The following STARD3 variants were observed in gnomAD, a reference collection of about 807,000 sequenced individuals.
STARD3 encodes the protein StAR related lipid transfer domain containing 3, also known as stAR-related lipid transfer protein 3.
STARD3 carries 39 observed loss-of-function variants against 62.0 expected under a neutral mutation model. The ratio of observed to expected loss-of-function variants is 0.63; its 90% CI spans 0.49 to 0.82. The LOEUF is 0.82. Ranked by LOEUF, STARD3 falls within the 40% of genes least tolerant of loss-of-function variation. STARD3 has a pLI of 0.00. For missense variants in STARD3, 543 were observed against 584.5 expected (o/e 0.93, Z 0.73); for synonymous variants, 229 against 242.4 (o/e 0.94, Z 0.51).
In STARD3 at chr17:39,660,374, G is replaced by T. The variant is rs2057182638; in HGVS notation, c.859-57G>T. On this transcript the variant is annotated intron_variant, in intron 10 of 14. Transcript: ENST00000336308. This position sits in a 1 kb window ranked among gnomAD's most constrained non-coding sequence, Gnocchi z 4.8. ...GTGGGTGCCCCCCACCAAGAGGGAAGGGTTGGTCTGCCCGAGCCCATCTGG... is the reference window on the plus strand; with the variant it reads ...GTGGGTGCCCCCCACCAAGAGGGAATGGTTGGTCTGCCCGAGCCCATCTGG... The T allele has an allele frequency of 6.2e-7, 1 of 1,611,338 alleles. No homozygotes were observed. The highest frequency in any genetic ancestry group is 8.5e-7 in the Non-Finnish European group (1 of 1,178,150).
chr17:39,657,144 C>T, intron 3 of STARD3, 59 bp downstream of exon 3: 1 of 1,529,994 alleles, frequency 6.5e-7, no homozygotes, highest in South Asian at 1.1e-5. Flanking sequence ...AGGGAAATGA[C>T]TTCTGCTGGG....
At chr17:39,645,879 G>T in intron 1 of STARD3, among the ~76,000 whole-genome samples, 2 of 91,294 alleles carry the variant, frequency 2.2e-5, no homozygotes, top group South Asian at 3.5e-4. Context: ...AGGGATTCTT[G>T]CCTTTTTTTT....
chr17:39,663,217 G>T lies in STARD3; in HGVS notation c.*309G>T. 1 of 412,592 alleles carries T rather than the reference G, an allele frequency of 2.4e-6. No individual in the cohort carries two copies. The highest frequency in any genetic ancestry group is 4.3e-6 in the Non-Finnish European group (1 of 234,854). 25.6% of individuals were successfully genotyped at this position (412,592 alleles called of 1,614,324 possible). On this transcript the variant is annotated 3_prime_UTR_variant, in exon 15 of 15. Coordinates refer to ENST00000336308, the MANE Select transcript of STARD3 (RefSeq NM_006804.4). ...AGGGTCTGGGCTGGGCACCTGACTT[G>T]GCTGGGGAGGACCAGGGCCCTGGGC... is the stretch of plus-strand genomic sequence containing the variant.
rs901047042 is a variant in STARD3 at position 39,657,336 on chromosome 17, G to A, written c.297+251G>A. Among the ~76,000 whole-genome samples, 4 of 151,992 alleles carry A rather than the reference G, an allele frequency of 2.6e-5. No individual in the cohort carries two copies. The South Asian group carries it at 8.3e-4, about 32-fold the overall frequency. ...AGGTTAGGAGTTCGAAACCAGCTTG[G>A]CCATCATGGTGAAACCCCGCCTCTA... On this transcript the variant is annotated intron_variant, in intron 3 of 14. Transcript: ENST00000336308.
At chr17:39,658,948 ACT>A in intron 7 of STARD3, 101 bp from the exon 8 acceptor site, 1 of 1,562,652 alleles carries the variant, frequency 6.4e-7, no homozygotes, top group Non-Finnish European at 8.8e-7. Flanking sequence ...TCTCCCACAC[ACT>A]TTTATCCCCC....
chr17:39,663,284 C>G lies in STARD3; in HGVS notation c.*376C>G. ...TCACCCGTGTGAAGATGAAGGGGCT[C>G]TTCATCTGCCTGCGCTCTCGTCGGT... On this transcript the variant is annotated 3_prime_UTR_variant, in exon 15 of 15. Coordinates refer to ENST00000336308, the MANE Select transcript of STARD3 (RefSeq NM_006804.4). 1 of 395,220 alleles carries G rather than the reference C, an allele frequency of 2.5e-6. No homozygotes were observed. Among genetic ancestry groups the G allele is most frequent in the Non-Finnish European group, 4.5e-6 (1 of 224,378 alleles). 24.5% of individuals were successfully genotyped at this position (395,220 alleles called of 1,614,324 possible).
Position 39,663,091 on chromosome 17 carries a change from G to A in STARD3, c.*183G>A, listed in dbSNP as rs558215495. 9.7e-5 allele frequency: 56 copies of A among 574,764 alleles called. No individual in the cohort carries two copies. The highest frequency in any genetic ancestry group is 9.0e-4 in the African/African-American group (46 of 50,978). The allele number at this position is 574,764 out of a possible 1,614,324, so 35.6% of individuals were successfully genotyped here. A position where few individuals can be genotyped will look rare whatever the true frequency, so the allele number is the denominator to read the frequency against. ...GCTGTGGGGTGGAGCACTGGACTCC[G>A]GGGCCCCACTGGCTGGAGGAAGTGG... On this transcript the variant is annotated 3_prime_UTR_variant, in exon 15 of 15. Transcript: ENST00000336308.
intron 8 of STARD3, 148 bp downstream of exon 8, chr17:39,659,254 C>G: frequency 8.8e-7 from 1 of 1,142,728 alleles, no homozygotes; most frequent in Non-Finnish European, 1.3e-6. Flanking sequence ...CACCACCAGT[C>G]CGGCCCCCCT....
chr17:39,653,299 A>T, intron 1 of STARD3, 182 bp from the exon 2 acceptor site: 1 of 592,794 alleles, frequency 1.7e-6, no homozygotes, highest in South Asian at 2.0e-5. Context: ...TAATTAGCGG[A>T]ATGCTCAACC....
chr17:39,659,631 A>G, intron 9 of STARD3, 78 bp downstream of exon 9: 1 of 1,486,116 alleles, frequency 6.7e-7, no homozygotes, highest in Non-Finnish European at 9.3e-7. Flanking sequence ...TGAGGAAGAA[A>G]CCCAAAGATT....
chr17:39,659,947 C>A, intron 9 of STARD3: 1 of 565,256 alleles, frequency 1.8e-6, no homozygotes, highest in South Asian at 2.1e-5. Flanking sequence ...TGTGGCAGCC[C>A]CATTGGCCTG....
In STARD3 at chr17:39,653,472, C is replaced by T. The variant is rs377400813; in HGVS notation, c.-51-9C>T. On this transcript the variant is annotated splice_polypyrimidine_tract_variant and intron_variant, in intron 1 of 14. Coordinates refer to ENST00000336308, the MANE Select transcript of STARD3 (RefSeq NM_006804.4). Reference sequence around the variant, plus strand: ...GTTTGACAGGACTCTGCCTCTGCCTCGCCCCCAGCCCTGCTGCTGAGGCCG... The same window carrying T: ...GTTTGACAGGACTCTGCCTCTGCCTTGCCCCCAGCCCTGCTGCTGAGGCCG... 246 of 1,559,746 alleles carry T rather than the reference C, an allele frequency of 1.6e-4. No homozygotes were observed. In the African/African-American group the frequency reaches 1.7e-3, roughly 11 times the overall value.
rs2057229296 is a variant in STARD3 at position 39,663,794 on chromosome 17, A to G, written c.*886A>G. On this transcript the variant is annotated 3_prime_UTR_variant, in exon 15 of 15. Coordinates refer to ENST00000336308, the MANE Select transcript of STARD3 (RefSeq NM_006804.4). ...GGGGTATGGGCACCTGGCAGTGCCCACAGCAAGCCTTGACTGTGTGGCCTG... is the reference window on the plus strand; with the variant it reads ...GGGGTATGGGCACCTGGCAGTGCCCGCAGCAAGCCTTGACTGTGTGGCCTG... 6.6e-6 allele frequency among the ~76,000 whole-genome samples: 1 copy of G among 152,156 alleles called. No homozygotes were observed. The highest frequency in any genetic ancestry group is 2.4e-5 in the African/African-American group (1 of 41,426).
At chr17:39,655,852 C>T (rs1412201308) in intron 2 of STARD3, among the ~76,000 whole-genome samples, 2 of 151,918 alleles carry the variant, frequency 1.3e-5, no homozygotes, top group Non-Finnish European at 2.9e-5. Flanking sequence ...TGAGACTTGG[C>T]TCTCCCGAGT....
At chr17:39,643,906 T>G (rs546920731) in intron 1 of STARD3, among the ~76,000 whole-genome samples, 1 of 152,338 alleles carries the variant, frequency 6.6e-6, no homozygotes, top group East Asian at 1.9e-4. Context: ...TAGGTGATAT[T>G]GTTAACCCCA....
At chr17:39,637,997 G>C (rs1262328314) in intron 1 of STARD3, among the ~76,000 whole-genome samples, 1 of 152,218 alleles carries the variant, frequency 6.6e-6, no homozygotes, top group African/African-American at 2.4e-5. Flanking sequence ...CATTGGGACA[G>C]CTCTGCTTCA....
At position 39,660,349 on chromosome 17, in the gene STARD3, G is replaced by C. The variant is rs1219202157; in HGVS notation, c.858+76G>C. 1 of 1,610,140 alleles carries C rather than the reference G, an allele frequency of 6.2e-7. No individual in the cohort carries two copies. Among genetic ancestry groups the C allele is most frequent in the Non-Finnish European group, 8.5e-7 (1 of 1,176,878 alleles). On this transcript the variant is annotated intron_variant, in intron 10 of 14. Transcript: ENST00000336308. This position sits in a 1 kb window ranked among gnomAD's most constrained non-coding sequence, Gnocchi z 4.8. The stretch of plus-strand genomic sequence containing the variant: ...CAGGAAGGTGCCGAGGGGCCCTCTG[G>C]TGGGTGCCCCCCACCAAGAGGGAAG...
intron 1 of STARD3, among the ~76,000 whole-genome samples, chr17:39,643,650 TC>T (rs2056999719): frequency 6.6e-6 from 1 of 151,410 alleles, no homozygotes; most frequent in Non-Finnish European, 1.5e-5. Context: ...ACCCAGGGCC[TC>T]TGCCTTCTAC....
At chr17:39,650,210 C>G (rs1328467592) in intron 1 of STARD3, among the ~76,000 whole-genome samples, 1 of 152,142 alleles carries the variant, frequency 6.6e-6, no homozygotes, top group Non-Finnish European at 1.5e-5. Flanking sequence ...AGGGTGGGCC[C>G]ATTATGACTG....
Sources: allele counts gnomAD v4.1 joint callset (sites outside exome capture counted in the v4.1 genomes callset), GRCh38; gene constraint gnomAD v4.1.1; non-coding constraint Gnocchi (gnomAD v3.1); transcripts MANE v1.5; gene names NCBI Gene and HGNC (gene_info 2026-07-23, HGNC 2026-07-21).